NTNG1: variants seen among roughly 807,000 people sequenced by gnomAD.
NTNG1 encodes netrin-G1.
A neutral mutation model predicts 54.0 loss-of-function variants in NTNG1; 16 were observed. The observed-to-expected ratio is 0.30, with a 90% CI of 0.20 to 0.45. The LOEUF is 0.45. Among genes scored for constraint, NTNG1 ranks in the 20% least tolerant of loss-of-function variants. NTNG1 has a pLI of 1.00. For missense variants in NTNG1, 530 were observed against 678.7 expected, an observed-to-expected ratio of 0.78 and a Z score of 2.43; for synonymous variants, 255 against 263.1, an observed-to-expected ratio of 0.97 and a Z score of 0.30.
rs114748234 is a variant in NTNG1, at chr1:107,423,383, G to A, written c.1088-7367G>A. ...TCTAGTCCGTAGAGGGCCCAGGGAT[G>A]CATCTGAAAAGCCTACAATGCACAG... On this transcript the variant is annotated intron_variant, in intron 5 of 7. Coordinates refer to ENST00000370068, the MANE Select transcript of NTNG1 (RefSeq NM_001113226.3). Among the ~76,000 whole-genome samples the A allele has an allele frequency of 7.2e-3, 1,093 of 152,068 alleles. 14 individuals are homozygous for A. Among genetic ancestry groups the A allele is most frequent in the African/African-American group, 0.025 (1,040 of 41,488 alleles).
intron 2 of NTNG1, among the ~76,000 whole-genome samples, chr1:107,281,572 A>G (rs147771995): frequency 9.2e-5 from 14 of 152,276 alleles, no homozygotes; most frequent in African/African-American, 3.4e-4. Context: ...CCTAAATTAA[A>G]TGTCTACTTT....
intron 2 of NTNG1, among the ~76,000 whole-genome samples, chr1:107,249,304 G>A (rs1662426744): frequency 6.6e-6 from 1 of 151,778 alleles, no homozygotes; most frequent in African/African-American, 2.4e-5. Context: ...TCAACATGGA[G>A]AAACCCCATC....
chr1:107,380,374 A>G (rs1671568302), intron 3 of NTNG1, among the ~76,000 whole-genome samples: 1 of 152,170 alleles, frequency 6.6e-6, no homozygotes, highest in African/African-American at 2.4e-5. Context: ...TGTGGAGAAG[A>G]GCTAAGTCAT....
chr1:107,228,629 T>C (rs1251692167), intron 2 of NTNG1, among the ~76,000 whole-genome samples: 1 of 152,230 alleles, frequency 6.6e-6, no homozygotes, highest in Non-Finnish European at 1.5e-5. Flanking sequence ...ACAATAACTT[T>C]ACAATAAATT....
At chr1:107,233,919 T>A (rs1290239582) in intron 2 of NTNG1, among the ~76,000 whole-genome samples, 13 of 152,194 alleles carry the variant, frequency 8.5e-5, no homozygotes. Flanking sequence ...AGGATTTTTG[T>A]TTCAGAATAA....
At chr1:107,157,545 C>T (rs1655090419) in intron 2 of NTNG1, among the ~76,000 whole-genome samples, 1 of 152,090 alleles carries the variant, frequency 6.6e-6, no homozygotes, top group Non-Finnish European at 1.5e-5. Flanking sequence ...GGAGTTTAAC[C>T]AAAAGAATAA....
At chr1:107,167,724 A>T (rs1225700229) in intron 2 of NTNG1, among the ~76,000 whole-genome samples, 3 of 152,084 alleles carry the variant, frequency 2.0e-5, no homozygotes, top group Middle Eastern at 3.2e-3. Context: ...TAAATGCCTA[A>T]CATGTATTAA....
intron 2 of NTNG1, among the ~76,000 whole-genome samples, chr1:107,208,430 C>CAAAAA (rs5776882): frequency 7.7e-6 from 1 of 130,054 alleles, no homozygotes; most frequent in Non-Finnish European, 1.6e-5. Flanking sequence ...AACATCATCT[C>CAAAAA]AAAAAAAAAA....
chr1:107,323,247 G>A (rs932107920), intron 2 of NTNG1, among the ~76,000 whole-genome samples: 2 of 152,092 alleles, frequency 1.3e-5, no homozygotes, highest in Non-Finnish European at 1.5e-5. Context: ...GAATAGTCAA[G>A]TCCTAATGAT....
chr1:107,332,828 A>G (rs775807133), intron 3 of NTNG1, among the ~76,000 whole-genome samples: 6 of 152,106 alleles, frequency 3.9e-5, no homozygotes, highest in Non-Finnish European at 7.4e-5. Context: ...TAGTTTAACC[A>G]GAAATGACTG....
chr1:107,215,126 T>A lies in NTNG1; in HGVS notation c.246+66287T>A, dbSNP rs367720441. Among the ~76,000 whole-genome samples the A allele has an allele frequency of 2.0e-5, 3 of 152,182 alleles. No individual in the cohort carries two copies. In the South Asian group the frequency reaches 6.2e-4, roughly 31 times the overall value. On this transcript the variant is annotated intron_variant, in intron 2 of 7. Transcript: ENST00000370068. Reference sequence around the variant, plus strand: ...ATTTATTTTGCTGTGCAGAAGCTTTTTAGTTTAACTAATTATCATCTATAT... The same window carrying A: ...ATTTATTTTGCTGTGCAGAAGCTTTATAGTTTAACTAATTATCATCTATAT...
intron 7 of NTNG1, among the ~76,000 whole-genome samples, chr1:107,476,365 A>G (rs1344358826): frequency 6.6e-6 from 1 of 152,104 alleles, no homozygotes; most frequent in African/African-American, 2.4e-5. Context: ...AACAACGACC[A>G]CCACCACCCC....
At position 107,148,277 on chromosome 1, in the gene NTNG1, A is replaced by G. The variant is rs530158075; in HGVS notation, c.-317A>G. 9.0e-6 allele frequency: 2 copies of G among 221,420 alleles called. No homozygotes were observed. Among genetic ancestry groups the G allele is most frequent in the South Asian group, 1.0e-4 (1 of 9,752 alleles). The allele number at this position is 221,420 out of a possible 1,614,324, so 13.7% of individuals were successfully genotyped here. On this transcript the variant is annotated 5_prime_UTR_variant, in exon 2 of 8. Coordinates refer to ENST00000370068, the MANE Select transcript of NTNG1 (RefSeq NM_001113226.3). ...TATCTGCAATTGGACATCTTTTACA[A>G]AAACCAAACTAGACCTGAGTCTAAT... is the stretch of plus-strand genomic sequence containing the variant.
intron 2 of NTNG1, among the ~76,000 whole-genome samples, chr1:107,241,773 G>A (rs936110818): frequency 6.6e-6 from 1 of 152,106 alleles, no homozygotes; most frequent in African/African-American, 2.4e-5. Flanking sequence ...ATAACTTGAT[G>A]CCAGGAACAT....
In NTNG1 at chr1:107,270,760, C is replaced by T. The variant is rs536358619; in HGVS notation, c.247-53522C>T. 2.9e-5 allele frequency among the ~76,000 whole-genome samples: 4 copies of T among 136,038 alleles called. No homozygotes were observed. In the East Asian group the frequency reaches 7.0e-4, roughly 24 times the overall value. 89.2% of individuals were successfully genotyped at this position (136,038 alleles called of 152,430 possible). On this transcript the variant is annotated intron_variant, in intron 2 of 7. Transcript: ENST00000370068. ...CAAAGTGCAGTGCTTGCTCCTTTCT[C>T]TGAGTCATGGTCTGACATATTTCTT...
intron 2 of NTNG1, among the ~76,000 whole-genome samples, chr1:107,157,262 T>C (rs767364137): frequency 6.6e-6 from 1 of 152,170 alleles, no homozygotes; most frequent in African/African-American, 2.4e-5. Flanking sequence ...ACATGAAGTT[T>C]TTGAGATAAA....
At chr1:107,414,776 A>G (rs919890181) in intron 5 of NTNG1, among the ~76,000 whole-genome samples, 13 of 152,162 alleles carry the variant, frequency 8.5e-5, no homozygotes, top group Admixed American at 2.6e-4. Flanking sequence ...TTCTGTCTTG[A>G]CAACAATGAG....
At chr1:107,297,962 C>G (rs1431050777) in intron 2 of NTNG1, among the ~76,000 whole-genome samples, 5 of 152,042 alleles carry the variant, frequency 3.3e-5, no homozygotes, top group African/African-American at 1.2e-4. Context: ...ATAAAAGTCT[C>G]ATTTGAAAGT....
At chr1:107,457,827 T>C (rs1313469774) in intron 7 of NTNG1, among the ~76,000 whole-genome samples, 3 of 152,096 alleles carry the variant, frequency 2.0e-5, no homozygotes, top group Non-Finnish European at 1.5e-5. Context: ...CCGTAACATC[T>C]AAGAAAAAGC....
Sources: allele counts gnomAD v4.1 joint callset (sites outside exome capture counted in the v4.1 genomes callset), GRCh38; gene constraint gnomAD v4.1.1; transcripts MANE v1.5; gene names NCBI Gene and HGNC (gene_info 2026-07-23, HGNC 2026-07-21).